INSYN2B: variants seen among roughly 807,000 people sequenced by gnomAD.
INSYN2B encodes protein INSYN2B.
Under a neutral mutation model 41.2 loss-of-function variants are expected in INSYN2B, and 16 were observed. That is an observed-to-expected ratio of 0.39 (90% CI 0.26 to 0.59). The LOEUF (loss-of-function observed/expected upper bound fraction) is 0.59. INSYN2B is among the 20% of genes least tolerant of loss of function. The pLI is 0.57. For missense variants in INSYN2B, 608 were observed against 646.4 expected (o/e 0.94, Z 0.64); for synonymous variants, 245 against 244.4 (o/e 1.00, Z -0.02).
At chr5:169,903,166 A>C (rs1409000160) in intron 1 of INSYN2B, among the ~76,000 whole-genome samples, 3 of 152,054 alleles carry the variant, frequency 2.0e-5, no homozygotes, top group Non-Finnish European at 2.9e-5. Context: ...AGTCTCAGCT[A>C]CTGGGGAAGC....
intron 1 of INSYN2B, among the ~76,000 whole-genome samples, chr5:169,964,050 T>G (rs1777200247): frequency 6.6e-6 from 1 of 152,000 alleles, no homozygotes. Context: ...GGAGGAGAAT[T>G]AAAGAAAGGT....
intron 1 of INSYN2B, among the ~76,000 whole-genome samples, chr5:169,928,607 G>A (rs1775591843): frequency 6.6e-6 from 1 of 152,240 alleles, no homozygotes; most frequent in African/African-American, 2.4e-5. Flanking sequence ...GGAAAGGACA[G>A]TGTCATGGAG....
Position 169,903,012 on chromosome 5 carries a change from C to T in INSYN2B, c.-918-18196G>A, listed in dbSNP as rs545469520. Among the ~76,000 whole-genome samples, 24 of 151,972 alleles carry T rather than the reference C, an allele frequency of 1.6e-4. 1 individual carries two copies. The highest frequency in any genetic ancestry group is 3.9e-4 in the African/African-American group (16 of 41,454). ...ACTCGGGAGGCTGAGGCAGGAGAAT[C>T]GCTTGAACAAAGGAGGTGGAGGTTG... is the stretch of plus-strand genomic sequence containing the variant. On this transcript the variant is annotated intron_variant, in intron 1 of 3. Transcript: ENST00000377365.
At chr5:169,967,576 G>A (rs1183782340) in intron 1 of INSYN2B, among the ~76,000 whole-genome samples, 2 of 152,182 alleles carry the variant, frequency 1.3e-5, no homozygotes, top group Admixed American at 1.3e-4. Context: ...ACCATGCTAA[G>A]AGGTTTGGAT....
chr5:169,901,455 G>GCA (rs1327172917), intron 1 of INSYN2B, among the ~76,000 whole-genome samples: 10 of 152,150 alleles, frequency 6.6e-5, no homozygotes, highest in African/African-American at 2.4e-4. Flanking sequence ...GTGCATGTGT[G>GCA]TGTAGGAGAG....
At chr5:169,866,935 G>A (rs1192078223) in intron 3 of INSYN2B, among the ~76,000 whole-genome samples, 2 of 152,194 alleles carry the variant, frequency 1.3e-5, no homozygotes, top group African/African-American at 2.4e-5. Context: ...GATAGCATCA[G>A]ATTCCATAGA....
chr5:169,962,625 G>T (rs1777138980), intron 1 of INSYN2B, among the ~76,000 whole-genome samples: 1 of 152,092 alleles, frequency 6.6e-6, no homozygotes, highest in Admixed American at 6.5e-5. Flanking sequence ...AGACAAAGAG[G>T]TTAGACAAGA....
At chr5:169,888,687 A>C (rs1320155866) in intron 1 of INSYN2B, among the ~76,000 whole-genome samples, 1 of 152,180 alleles carries the variant, frequency 6.6e-6, no homozygotes, top group Non-Finnish European at 1.5e-5. Flanking sequence ...CCACTTTCTG[A>C]CTATTGACTT....
intron 1 of INSYN2B, among the ~76,000 whole-genome samples, chr5:169,967,680 A>T (rs1019784047): frequency 6.6e-6 from 1 of 152,100 alleles, no homozygotes; most frequent in Admixed American, 6.6e-5. Context: ...TGCAACAGGG[A>T]GAATTGATTA....
chr5:169,951,795 G>A (rs1182093), intron 1 of INSYN2B, among the ~76,000 whole-genome samples: 7,921 of 152,176 alleles, frequency 0.052, 562 homozygotes, highest in African/African-American at 0.16. Flanking sequence ...ATTTAAGGCA[G>A]GTACTATTAT....
chr5:169,964,855 T>A (rs574354537), intron 1 of INSYN2B, among the ~76,000 whole-genome samples: 2 of 152,362 alleles, frequency 1.3e-5, no homozygotes, highest in East Asian at 3.9e-4. Context: ...GGGAACTGCA[T>A]GTAAATTGCT....
chr5:169,949,297 G>A (rs1776566518), intron 1 of INSYN2B, among the ~76,000 whole-genome samples: 1 of 152,156 alleles, frequency 6.6e-6, no homozygotes, highest in African/African-American at 2.4e-5. Context: ...TCCCAGGAGG[G>A]AGATCATAAT....
At chr5:169,901,817 A>G (rs1203342413) in intron 1 of INSYN2B, among the ~76,000 whole-genome samples, 3 of 152,232 alleles carry the variant, frequency 2.0e-5, no homozygotes, top group Non-Finnish European at 4.4e-5. Context: ...CTGGACCCTC[A>G]GCCATGTGCT....
chr5:169,884,200 G>C lies in INSYN2B; in HGVS notation c.-302C>G, dbSNP rs1473700479. ...AAACATCTGATCTACCAAGAGAGCT[G>C]GTAGGCGGTTTATCAAGGGAGGCTG... On this transcript the variant is annotated 5_prime_UTR_variant, in exon 2 of 4. Transcript: ENST00000377365. The C allele has an allele frequency of 4.3e-6, 1 of 231,318 alleles. No individual in the cohort carries two copies. 14.3% of individuals were successfully genotyped at this position (231,318 alleles called of 1,614,324 possible).
intron 1 of INSYN2B, among the ~76,000 whole-genome samples, chr5:169,977,281 C>T (rs558281842): frequency 6.6e-6 from 1 of 152,270 alleles, no homozygotes; most frequent in South Asian, 2.1e-4. Context: ...GCTGTTCATC[C>T]CAAGCTGTGA....
intron 1 of INSYN2B, among the ~76,000 whole-genome samples, chr5:169,906,271 T>G (rs1774272206): frequency 6.6e-6 from 1 of 152,074 alleles, no homozygotes; most frequent in Non-Finnish European, 1.5e-5. Flanking sequence ...TCCTCATATG[T>G]AAAATGAGTA....
intron 1 of INSYN2B, among the ~76,000 whole-genome samples, chr5:169,942,858 T>C (rs1776296818): frequency 6.6e-6 from 1 of 152,236 alleles, no homozygotes; most frequent in African/African-American, 2.4e-5. Flanking sequence ...TTGACCACTG[T>C]GTGTGCTCGC....
At chr5:169,955,646 G>A (rs537634020) in intron 1 of INSYN2B, among the ~76,000 whole-genome samples, 42 of 152,352 alleles carry the variant, frequency 2.8e-4, no homozygotes, top group Non-Finnish European at 5.4e-4. Context: ...TGCAGGAGAA[G>A]AAGGCAGGCA....
At chr5:169,917,260 G>A (rs1334666317) in intron 1 of INSYN2B, among the ~76,000 whole-genome samples, 1 of 152,160 alleles carries the variant, frequency 6.6e-6, no homozygotes, top group Non-Finnish European at 1.5e-5. Context: ...TAAACTCCTA[G>A]TAGACCAGGC....
Sources: gnomAD v4.1 joint callset for allele counts (sites outside exome capture counted in the v4.1 genomes callset) on GRCh38, gnomAD v4.1.1 for gene constraint, MANE v1.5 for transcripts, NCBI Gene and HGNC (gene_info 2026-07-23, HGNC 2026-07-21) for gene names.